The following TTF1 variants were observed in gnomAD, a reference collection of about 807,000 sequenced individuals.
TTF1 encodes the protein transcription termination factor 1.
In TTF1, 64 loss-of-function variants were observed where a neutral mutation model predicts 80.2. The ratio of observed to expected loss-of-function variants is 0.80; its 90% CI spans 0.65 to 0.98. TTF1 has a LOEUF of 0.98. Ranked by LOEUF, TTF1 falls within the 50% of genes least tolerant of loss-of-function variation. The pLI is 0.00. For missense variants in TTF1, 1,023 were observed against 1,086.2 expected, an observed-to-expected ratio of 0.94 and a Z score of 0.82; for synonymous variants, 372 against 382.7, an observed-to-expected ratio of 0.97 and a Z score of 0.33.
At chr9:132,393,844 TTA>T (rs1229662615) in intron 5 of TTF1, among the ~76,000 whole-genome samples, 2 of 152,246 alleles carry the variant, frequency 1.3e-5, no homozygotes, top group Non-Finnish European at 2.9e-5. Context: ...AAAGCAATCT[TTA>T]TAACATCTTC....
chr9:132,398,431 G>T (rs1242424607), intron 3 of TTF1, 105 bp from the exon 4 acceptor site: 2 of 1,178,352 alleles, frequency 1.7e-6, no homozygotes, highest in Non-Finnish European at 2.4e-6. Flanking sequence ...CGGCCCAACA[G>T]TCCCAACACC....
In TTF1 at chr9:132,401,449, C is replaced by T. The variant is rs748912195; in HGVS notation, c.1367+6G>A. 1.3e-5 allele frequency: 20 copies of T among 1,599,804 alleles called. No individual in the cohort carries two copies. The highest frequency in any genetic ancestry group is 2.7e-5 in the African/African-American group (2 of 74,188). On this transcript the variant is annotated splice_donor_region_variant and intron_variant, in intron 2 of 10. Coordinates refer to ENST00000334270, the MANE Select transcript of TTF1 (RefSeq NM_007344.4). ...ACCAGCAGCTGGAATACCACTCCCT[C>T]GTTACCTTGGCGCCTCTTGCACGTG... is the stretch of plus-strand genomic sequence containing the variant.
Position 132,402,264 on chromosome 9 carries a change from G to T in TTF1, c.558C>A (p.Thr186=). 1 of 1,614,060 alleles carries T rather than the reference G, an allele frequency of 6.2e-7. No individual in the cohort carries two copies. The highest frequency in any genetic ancestry group is 2.2e-5 in the East Asian group (1 of 44,888). ...CCTGGTGGGATTCTGACTGAGGCAG[G>T]GTGTCCCTTGCCCGCTGGCTCTCCC... is the stretch of plus-strand genomic sequence containing the variant. ...ASWESQRARD[T]LPQSESHQEE... is the part of the protein sequence containing the mutation. The change falls in exon 2 of 11, where the codon ACC becomes ACA. Residue 186 remains threonine (T), a synonymous_variant. Transcript: ENST00000334270.
At chr9:132,391,065 TTTTA>T (rs1051331709) in intron 6 of TTF1, among the ~76,000 whole-genome samples, 50 of 152,320 alleles carry the variant, frequency 3.3e-4, no homozygotes, top group African/African-American at 1.1e-3. Flanking sequence ...TAAAGCAATG[TTTTA>T]TTTATTTATT....
At chr9:132,394,371 A>G (rs1849609050) in intron 5 of TTF1, among the ~76,000 whole-genome samples, 1 of 150,544 alleles carries the variant, frequency 6.6e-6, no homozygotes, top group Non-Finnish European at 1.5e-5. Flanking sequence ...CCTCTGCCTC[A>G]CAGGTTCAAG....
intron 8 of TTF1, 46 bp downstream of exon 8, chr9:132,388,093 C>T (rs747156366): frequency 1.4e-6 from 2 of 1,470,588 alleles, no homozygotes; most frequent in South Asian, 1.2e-5. Flanking sequence ...TTCTCTTTGG[C>T]TAGAGACAGA....
chr9:132,377,534 G>A (rs1304909265), intron 10 of TTF1, among the ~76,000 whole-genome samples: 1 of 146,728 alleles, frequency 6.8e-6, no homozygotes, highest in African/African-American at 2.5e-5. Flanking sequence ...CATGTAGTGT[G>A]AGTGCATGTG....
chr9:132,381,087 T>C (rs1849364056), intron 9 of TTF1, among the ~76,000 whole-genome samples: 2 of 152,160 alleles, frequency 1.3e-5, no homozygotes, highest in African/African-American at 2.4e-5. Flanking sequence ...TAATAATCAG[T>C]TTTTAAACAT....
chr9:132,378,674 T>C (rs1050726063), intron 10 of TTF1, among the ~76,000 whole-genome samples: 2 of 130,794 alleles, frequency 1.5e-5, no homozygotes, highest in Admixed American at 1.5e-4. Flanking sequence ...TGTGAGTGCA[T>C]GCATGTGGTG....
At chr9:132,403,187 C>T (rs113986280) in intron 1 of TTF1, among the ~76,000 whole-genome samples, 113 of 152,110 alleles carry the variant, frequency 7.4e-4, no homozygotes, top group African/African-American at 2.5e-3. Flanking sequence ...ATAGCCTCAG[C>T]GGAAAAAATC....
chr9:132,397,404 G>T (rs983150005), intron 4 of TTF1, among the ~76,000 whole-genome samples: 2 of 152,114 alleles, frequency 1.3e-5, no homozygotes, highest in Non-Finnish European at 2.9e-5. Context: ...CTTTCGCTCT[G>T]ATCCCATATG....
chr9:132,402,493 T>C lies in TTF1; in HGVS notation c.329A>G (p.Glu110Gly), dbSNP rs754650829. The change falls in exon 2 of 11, where the codon GAA (glutamate) becomes GGA (glycine). Residue 110 changes from glutamate (E) to glycine (G), a missense_variant. Glu to Gly is a moderately conservative substitution (Grantham distance 98, BLOSUM62 -2). Transcript: ENST00000334270. Reference protein sequence around the residue: ...AGVTVVLVDKENINNTPKHFR... With the variant: ...AGVTVVLVDKGNINNTPKHFR... ...ATGCTTTGGTGTGTTGTTAATATTT[T>C]CTTTATCCACAAGGACAACTGTAAC... is the stretch of plus-strand genomic sequence containing the variant. 4 of 1,614,100 alleles carry C rather than the reference T, an allele frequency of 2.5e-6. No individual in the cohort carries two copies. Among genetic ancestry groups the C allele is most frequent in the Non-Finnish European group, 3.4e-6 (4 of 1,180,050 alleles).
intron 10 of TTF1, among the ~76,000 whole-genome samples, chr9:132,377,757 C>T (rs1375625369): frequency 3.0e-3 from 114 of 38,488 alleles, no homozygotes; most frequent in East Asian, 4.3e-3. Flanking sequence ...GCATGTGGTG[C>T]GTGTGAATGC....
chr9:132,379,174 CAAGT>C (rs1564182749), intron 9 of TTF1, 30 bp from the exon 10 acceptor site: 9 of 1,529,768 alleles, frequency 5.9e-6, no homozygotes, highest in Non-Finnish European at 8.0e-6. Context: ...AGATAAAAAG[CAAGT>C]TAGTTTAAAA....
chr9:132,395,767 G>A (rs1386466927), intron 5 of TTF1, among the ~76,000 whole-genome samples: 1 of 152,214 alleles, frequency 6.6e-6, no homozygotes, highest in African/African-American at 2.4e-5. Context: ...TCAGAGAGAG[G>A]TCAAGCAGCT....
At chr9:132,377,977 A>G (rs1338697714) in intron 10 of TTF1, among the ~76,000 whole-genome samples, 2 of 108,812 alleles carry the variant, frequency 1.8e-5, no homozygotes, top group Non-Finnish European at 3.5e-5. Flanking sequence ...GTGTGAGTGC[A>G]TGCATGTGGT....
intron 10 of TTF1, among the ~76,000 whole-genome samples, chr9:132,377,358 T>G (rs866167268): frequency 4.2e-5 from 5 of 118,560 alleles, no homozygotes; most frequent in African/African-American, 1.5e-4. Flanking sequence ...GCATGTGGTG[T>G]GTGTGAGTGC....
At chr9:132,377,942 C>A (rs1357310092) in intron 10 of TTF1, among the ~76,000 whole-genome samples, 2 of 109,128 alleles carry the variant, frequency 1.8e-5, no homozygotes, top group Non-Finnish European at 3.5e-5. Context: ...CGTGTGAATG[C>A]ATGTGGTGTG....
chr9:132,383,750 G>C (rs998646582), intron 9 of TTF1, among the ~76,000 whole-genome samples: 1 of 152,178 alleles, frequency 6.6e-6, no homozygotes, highest in African/African-American at 2.4e-5. Context: ...CACACACATT[G>C]CAGCTTTCCT....
Sources: gnomAD v4.1 joint callset for allele counts (sites outside exome capture counted in the v4.1 genomes callset) on GRCh38, gnomAD v4.1.1 for gene constraint, MANE v1.5 for transcripts, NCBI Gene and HGNC (gene_info 2026-07-23, HGNC 2026-07-21) for gene names.